The following PKD1L1 variants were observed in gnomAD, a reference collection of about 807,000 sequenced individuals.
PKD1L1 encodes the protein polycystin 1 like 1, transient receptor potential channel interacting, also known as polycystin-1-like protein 1.
A neutral mutation model predicts 323.4 loss-of-function variants in PKD1L1; 236 were observed. The ratio of observed to expected loss-of-function variants is 0.73; its 90% CI spans 0.66 to 0.81. The LOEUF (loss-of-function observed/expected upper bound fraction) is 0.81, where lower values mean the gene tolerates loss of function less well. Among genes scored for constraint, PKD1L1 ranks in the 40% least tolerant of loss-of-function variants. The pLI is 0.00. For missense variants in PKD1L1, 3,320 were observed against 3,508.0 expected (o/e 0.95, Z 1.35); for synonymous variants, 1,344 against 1,335.0 (o/e 1.01, Z -0.15).
In PKD1L1 at chr7:47,894,013, A is replaced by C; in HGVS notation, c.2318T>G (p.Leu773Arg). 6.2e-7 allele frequency: 1 copy of C among 1,608,060 alleles called. No individual in the cohort carries two copies. Among genetic ancestry groups the C allele is most frequent in the Non-Finnish European group, 8.5e-7 (1 of 1,177,160 alleles). ...SVVYSNYCVGLEVRAQAPVSV... is the reference protein window; with the variant it reads ...SVVYSNYCVGREVRAQAPVSV... ...GACAGGGGCCTGGGCTCGCACCTCC[A>C]GGCCCACACAGTAGTTGCTGTACAC... Residue 773 changes from leucine (L) to arginine (R), a missense_variant, in exon 15 of 57, where the codon CTG becomes CGG. Physicochemically the swap from Leu to Arg is moderately radical, Grantham distance 102. Coordinates refer to ENST00000289672, the MANE Select transcript of PKD1L1 (RefSeq NM_138295.5).
intron 3 of PKD1L1, among the ~76,000 whole-genome samples, chr7:47,937,306 C>T (rs1370273922): frequency 6.6e-6 from 1 of 151,104 alleles, no homozygotes; most frequent in Non-Finnish European, 1.5e-5. Context: ...TCAGAGAAGG[C>T]CGCTGTGTGT....
At chr7:47,820,815 A>G (rs1232873235) in intron 46 of PKD1L1, among the ~76,000 whole-genome samples, 1 of 152,148 alleles carries the variant, frequency 6.6e-6, no homozygotes, top group Non-Finnish European at 1.5e-5. Context: ...TGAGGTCTCC[A>G]GCAAAAAAGA....
the PKD1L1 span, among the ~76,000 whole-genome samples, chr7:47,958,862 CT>C: frequency 8.5e-5 from 13 of 152,198 alleles, no homozygotes; most frequent in African/African-American, 3.1e-4. Flanking sequence ...CGGTCTCCCA[CT>C]GATGCCGAGC....
At chr7:47,937,938 G>A (rs553704391) in intron 3 of PKD1L1, among the ~76,000 whole-genome samples, 68 of 152,256 alleles carry the variant, frequency 4.5e-4, no homozygotes, top group Non-Finnish European at 1.2e-4. Flanking sequence ...AGGAAAGCAG[G>A]GAGGTGCCCA....
chr7:47,815,277 C>T, intron 47 of PKD1L1, 57 bp downstream of exon 47: 1 of 1,586,712 alleles, frequency 6.3e-7, no homozygotes, highest in Non-Finnish European at 8.6e-7. Context: ...CTGTTTCACC[C>T]ACTGCAAGAT....
the PKD1L1 span, among the ~76,000 whole-genome samples, chr7:47,957,517 T>G: frequency 6.6e-6 from 1 of 152,152 alleles, no homozygotes; most frequent in East Asian, 1.9e-4. Flanking sequence ...TAGTATTATT[T>G]CTTTTTTTTG....
chr7:47,875,175 A>G (rs1398585137), intron 23 of PKD1L1, among the ~76,000 whole-genome samples: 1 of 152,226 alleles, frequency 6.6e-6, no homozygotes, highest in Non-Finnish European at 1.5e-5. Flanking sequence ...AAAGCAGAGC[A>G]TGATTATGAA....
chr7:47,885,310 T>C (rs1292375201), intron 18 of PKD1L1, among the ~76,000 whole-genome samples: 1 of 152,212 alleles, frequency 6.6e-6, no homozygotes, highest in Non-Finnish European at 1.5e-5. Flanking sequence ...TTTCTCTCCA[T>C]TTTTTAAGTA....
chr7:47,876,198 C>T lies in PKD1L1; in HGVS notation c.3683G>A (p.Ser1228Asn). ...SGKPDFHYEFSYQIGNTSKHT... is the reference protein window; with the variant it reads ...SGKPDFHYEFNYQIGNTSKHT... The stretch of plus-strand genomic sequence containing the variant: ...TTTGGAGGTGTTTCCTATCTGGTAA[C>T]TAAATTCATAATGGAAGTCCTATGA... Residue 1228 changes from serine (S) to asparagine (N), a missense_variant, in exon 23 of 57, where the codon AGT (serine) becomes AAT (asparagine). Transcript: ENST00000289672. 2 of 1,614,002 alleles carry T rather than the reference C, an allele frequency of 1.2e-6. No individual in the cohort carries two copies. The highest frequency in any genetic ancestry group is 1.7e-6 in the Non-Finnish European group (2 of 1,179,908).
chr7:47,903,000 G>T (rs1583661909), intron 12 of PKD1L1, among the ~76,000 whole-genome samples: 1 of 152,184 alleles, frequency 6.6e-6, no homozygotes, highest in East Asian at 1.9e-4. Context: ...ACTCAGGAAG[G>T]ACAGGATAGA....
chr7:47,811,928 G>C lies in PKD1L1; in HGVS notation c.7470C>G (p.Ser2490=). The C allele has an allele frequency of 6.2e-7, 1 of 1,607,998 alleles. No homozygotes were observed. Residue 2490 remains serine, a synonymous_variant, in exon 50 of 57, where the codon TCC becomes TCG. Coordinates refer to ENST00000289672, the MANE Select transcript of PKD1L1 (RefSeq NM_138295.5). ...CCGTAGGGAGGATCTCCACTCTCAG[G>C]GACACGCTGGTGAAGAGTTGGGTTG... The part of the protein sequence containing the change: ...NPPTQLFTSV[S]LRVEILPTGS...
rs746435601 is a variant in PKD1L1 at position 47,845,039 on chromosome 7, C to CT, written c.5192dup (p.Leu1732AlafsTer6). ...CACTCACTTCAAAACTGGCCTTCAGCTTTCTCCTTAGGAGAGCGAATGCCG... is the reference window on the plus strand; with the variant it reads ...CACTCACTTCAAAACTGGCCTTCAGCTTTTCTCCTTAGGAGAGCGAATGCCG... On this transcript the variant is annotated frameshift_variant, in exon 33 of 57. Coordinates refer to ENST00000289672, the MANE Select transcript of PKD1L1 (RefSeq NM_138295.5). LOFTEE classifies it high-confidence loss of function. The CT allele has an allele frequency of 1.2e-6, 2 of 1,613,922 alleles. No homozygotes were observed. The highest frequency in any genetic ancestry group is 3.3e-5 in the Admixed American group (2 of 59,948).
In PKD1L1 at chr7:47,814,031, G is replaced by A; in HGVS notation, c.7090-17C>T. On this transcript the variant is annotated splice_polypyrimidine_tract_variant and intron_variant, in intron 47 of 56. Coordinates refer to ENST00000289672, the MANE Select transcript of PKD1L1 (RefSeq NM_138295.5). ...AGCTCCAGGCTGAAAGGAGAAAAAA[G>A]ATGATGAGGACTGGGTGTGCTGTGG... is the stretch of plus-strand genomic sequence containing the variant. 1.2e-6 allele frequency: 2 copies of A among 1,608,268 alleles called. No homozygotes were observed. The highest frequency in any genetic ancestry group is 1.7e-6 in the Non-Finnish European group (2 of 1,176,022).
rs972253342 is a variant in PKD1L1, at chr7:47,882,064, C to T, written c.3287G>A (p.Gly1096Glu). 3.1e-6 allele frequency: 5 copies of T among 1,613,336 alleles called. No homozygotes were observed. Among genetic ancestry groups the T allele is most frequent in the Middle Eastern group, 1.7e-4 (1 of 6,054 alleles). ...RQPAKDTSFP[G>E]SGPSLSAEES... ...CTCGGCACTCAAGCTAGGTCCTGAT[C>T]CTGGAAAGCTGGTGTCCTTAGCTAG... Residue 1096 changes from glycine (G) to glutamate (E), a missense_variant, in exon 20 of 57, where the codon GGA (glycine) becomes GAA (glutamate). Physicochemically the swap from Gly to Glu is moderately conservative, Grantham distance 98. Coordinates refer to ENST00000289672, the MANE Select transcript of PKD1L1 (RefSeq NM_138295.5).
chr7:47,904,287 G>GA, intron 12 of PKD1L1, 91 bp downstream of exon 12: 1 of 1,543,650 alleles, frequency 6.5e-7, no homozygotes, highest in Non-Finnish European at 8.8e-7. Context: ...CTGACAGGCA[G>GA]GTCTCTATGT....
intron 54 of PKD1L1, among the ~76,000 whole-genome samples, 176 bp downstream of exon 54, chr7:47,800,473 C>T (rs1784636061): frequency 6.6e-6 from 1 of 152,166 alleles, no homozygotes. Context: ...AGAGTCAAAC[C>T]AACTGTGTTT....
rs1168222633 is a variant in PKD1L1 at position 47,858,789 on chromosome 7, T to G, written c.4246A>C (p.Arg1416=). 1.2e-6 allele frequency: 2 copies of G among 1,614,066 alleles called. No individual in the cohort carries two copies. The highest frequency in any genetic ancestry group is 2.7e-5 in the African/African-American group (2 of 74,930). ...GATATGAGACCGATGAGCTCAAGCC[T>G]CACTCCTTTGTCAATCACAAATGGC... ...SGPFVIDKGV[R]LELIGLISRV... Residue 1416 remains arginine (R), a synonymous_variant, in exon 27 of 57, where the codon AGG becomes CGG. Coordinates refer to ENST00000289672, the MANE Select transcript of PKD1L1 (RefSeq NM_138295.5).
chr7:47,861,565 T>C (rs1384312663), intron 26 of PKD1L1, among the ~76,000 whole-genome samples: 1 of 152,046 alleles, frequency 6.6e-6, no homozygotes, highest in African/African-American at 2.4e-5. Context: ...CAAGTGGAAA[T>C]GGGTGAAGTC....
intron 30 of PKD1L1, among the ~76,000 whole-genome samples, chr7:47,853,896 C>T (rs1335376236): frequency 1.3e-5 from 2 of 152,020 alleles, no homozygotes; most frequent in Non-Finnish European, 2.9e-5. Context: ...AGGGGCACTG[C>T]AGCACCCACA....
Sources: allele counts gnomAD v4.1 joint callset (sites outside exome capture counted in the v4.1 genomes callset), GRCh38; gene constraint gnomAD v4.1.1; transcripts MANE v1.5; gene names NCBI Gene and HGNC (gene_info 2026-07-23, HGNC 2026-07-21).